The following MDFIC2 variants were observed in gnomAD, a reference collection of about 807,000 sequenced individuals.
MDFIC2 encodes the protein MyoD family inhibitor domain containing 2.
chr3:70,289,880 G>A lies in MDFIC2; in HGVS notation c.88+22006C>T, dbSNP rs1434799534. ...CTCCTGAGGCTTCTGCATTCTTCAC[G>A]TAGTTCTCGAGCCTTGGTTTTCAGC... On this transcript the variant is annotated intron_variant, in intron 2 of 3. Coordinates refer to ENST00000567252, the MANE Select transcript of MDFIC2 (RefSeq NM_001364677.1). 1.4e-4 allele frequency among the ~76,000 whole-genome samples: 21 copies of A among 151,636 alleles called. 1 individual carries two copies. Among genetic ancestry groups the A allele is most frequent in the Non-Finnish European group, 1.2e-4 (8 of 67,884 alleles).
chr3:70,294,020 G>T (rs927080914), intron 2 of MDFIC2, among the ~76,000 whole-genome samples: 1 of 152,054 alleles, frequency 6.6e-6, no homozygotes, highest in Non-Finnish European at 1.5e-5. Context: ...ACAGCTGGGT[G>T]TATTTTAATA....
chr3:70,222,446 T>C (rs956928747), intron 2 of MDFIC2, among the ~76,000 whole-genome samples: 2 of 152,194 alleles, frequency 1.3e-5, no homozygotes, highest in Non-Finnish European at 2.9e-5. Flanking sequence ...TATGGATTTG[T>C]TTGTGTCTAT....
intron 2 of MDFIC2, among the ~76,000 whole-genome samples, chr3:70,214,581 C>T (rs558755488): frequency 1.2e-3 from 175 of 145,742 alleles, no homozygotes; most frequent in Middle Eastern, 3.6e-3. Context: ...TGCAAAGCAA[C>T]TTCAATTTTT....
intron 2 of MDFIC2, among the ~76,000 whole-genome samples, chr3:70,303,959 A>G (rs1008554677): frequency 1.3e-5 from 2 of 152,220 alleles, no homozygotes; most frequent in African/African-American, 4.8e-5. Context: ...CTGGAATTAC[A>G]GGCATGAGCC....
intron 2 of MDFIC2, among the ~76,000 whole-genome samples, chr3:70,280,741 C>A (rs1036936565): frequency 6.6e-6 from 1 of 152,100 alleles, no homozygotes; most frequent in Non-Finnish European, 1.5e-5. Flanking sequence ...CTCTTAGTTT[C>A]CCCCGCCTTT....
chr3:70,266,193 G>GT (rs893156134), intron 2 of MDFIC2, among the ~76,000 whole-genome samples: 1 of 151,898 alleles, frequency 6.6e-6, no homozygotes, highest in African/African-American at 2.4e-5. Flanking sequence ...AAACATTTAT[G>GT]TTTTTTTATT....
At chr3:70,212,127 G>A (rs1021903200) in intron 2 of MDFIC2, among the ~76,000 whole-genome samples, 4 of 152,018 alleles carry the variant, frequency 2.6e-5, no homozygotes, top group African/African-American at 7.2e-5. Context: ...TCTTCATCCA[G>A]CCATCCAAAG....
At chr3:70,216,495 C>A (rs1701413570) in intron 2 of MDFIC2, among the ~76,000 whole-genome samples, 1 of 151,974 alleles carries the variant, frequency 6.6e-6, no homozygotes, top group African/African-American at 2.4e-5. Flanking sequence ...ATAACTTACC[C>A]AGAGTCACAT....
chr3:70,255,226 A>G (rs1701804051), intron 2 of MDFIC2, among the ~76,000 whole-genome samples: 1 of 152,228 alleles, frequency 6.6e-6, no homozygotes, highest in South Asian at 2.1e-4. Context: ...AGTAAACTAT[A>G]AGATGAATAG....
intron 2 of MDFIC2, among the ~76,000 whole-genome samples, chr3:70,287,956 T>C (rs1488478066): frequency 6.6e-6 from 1 of 152,196 alleles, no homozygotes; most frequent in Non-Finnish European, 1.5e-5. Flanking sequence ...TCTTTTTTTC[T>C]TTATTAGTCT....
chr3:70,235,220 T>C (rs1701595658), intron 2 of MDFIC2, among the ~76,000 whole-genome samples: 1 of 152,180 alleles, frequency 6.6e-6, no homozygotes, highest in Non-Finnish European at 1.5e-5. Context: ...TCATCAACCG[T>C]CGTTCTCTTT....
intron 2 of MDFIC2, among the ~76,000 whole-genome samples, chr3:70,287,334 G>T (rs1702176816): frequency 6.9e-6 from 1 of 145,524 alleles, no homozygotes; most frequent in African/African-American, 2.6e-5. Context: ...TTTTGTCTTT[G>T]GCTGTGTTTA....
chr3:70,278,306 T>C (rs1702047891), intron 2 of MDFIC2, among the ~76,000 whole-genome samples: 1 of 152,244 alleles, frequency 6.6e-6, no homozygotes, highest in Admixed American at 6.5e-5. Flanking sequence ...GGACTACATA[T>C]GTGTATGTAC....
At chr3:70,267,595 T>TTTTTG (rs1305858317) in intron 2 of MDFIC2, among the ~76,000 whole-genome samples, 1 of 148,814 alleles carries the variant, frequency 6.7e-6, no homozygotes, top group Admixed American at 6.7e-5. Context: ...TTTTTTTTTT[T>TTTTTG]TTAGTAAAGA....
rs144364840 is a variant in MDFIC2 at position 70,282,119 on chromosome 3, G to T, written c.88+29767C>A. 4.6e-5 allele frequency among the ~76,000 whole-genome samples: 7 copies of T among 152,170 alleles called. No individual in the cohort carries two copies. The East Asian group carries it at 7.8e-4, about 17-fold the overall frequency. On this transcript the variant is annotated intron_variant, in intron 2 of 3. Transcript: ENST00000567252. ...TTTTTTATTCAGGTGTTTCAGCTGG[G>T]GAAATGGGTCAGGGAACCAAAATCT...
At chr3:70,307,868 A>G (rs1232864111) in intron 2 of MDFIC2, among the ~76,000 whole-genome samples, 3 of 152,162 alleles carry the variant, frequency 2.0e-5, no homozygotes, top group Non-Finnish European at 2.9e-5. Context: ...CCGTATATGA[A>G]TAATCAGCCA....
chr3:70,215,371 A>G (rs904980013), intron 2 of MDFIC2, among the ~76,000 whole-genome samples: 71 of 152,090 alleles, frequency 4.7e-4, no homozygotes, highest in Non-Finnish European at 2.1e-4. Context: ...TGAGCTTGAG[A>G]TACTTTTCTG....
At chr3:70,210,551 C>T (rs17006842) in intron 2 of MDFIC2, among the ~76,000 whole-genome samples, 6,601 of 152,024 alleles carry the variant, frequency 0.043, 191 homozygotes, top group South Asian at 0.11. Flanking sequence ...TTGTATTATT[C>T]GACATTGCAC....
chr3:70,207,263 A>G (rs572642446), intron 2 of MDFIC2, among the ~76,000 whole-genome samples: 106 of 152,190 alleles, frequency 7.0e-4, no homozygotes, highest in Non-Finnish European at 5.9e-5. Context: ...CTGTAAAAAG[A>G]AAAATGCATA....
Sources: gnomAD v4.1 joint callset for allele counts (sites outside exome capture counted in the v4.1 genomes callset) on GRCh38, gnomAD v4.1.1 for gene constraint, MANE v1.5 for transcripts, NCBI Gene and HGNC (gene_info 2026-07-23, HGNC 2026-07-21) for gene names.